GC: variants seen among roughly 807,000 people sequenced by gnomAD.
GC encodes vitamin D-binding protein.
A neutral mutation model predicts 56.7 loss-of-function variants in GC; 43 were observed. That is an observed-to-expected ratio of 0.76 (90% CI 0.59 to 0.98). The LOEUF is 0.98. Ranked by LOEUF, GC falls within the 50% of genes least tolerant of loss-of-function variation. The probability of loss-of-function intolerance (pLI) is 0.00; values close to 1 mark genes in which losing one functional copy is unlikely to be tolerated. For synonymous variants in GC, 216 were observed against 202.7 expected (o/e 1.07, Z -0.56); for missense variants, 529 against 545.9 (o/e 0.97, Z 0.31).
intron 1 of GC, among the ~76,000 whole-genome samples, chr4:71,780,627 G>GA (rs1326037812): frequency 6.6e-6 from 1 of 151,594 alleles, no homozygotes; most frequent in Non-Finnish European, 1.5e-5. Context: ...AAAAACACAT[G>GA]AAAAAAATGC....
Position 71,763,876 on chromosome 4 carries a change from G to A in GC, c.534C>T (p.Tyr178=). The change falls in exon 5 of 13, where the codon TAC becomes TAT. Residue 178 remains tyrosine (Y), a synonymous_variant. Transcript: ENST00000273951. ...CTACCATAGAAAGATAACTCTTGGT[G>A]TAACTGACTAAAAGTGACAGAGGAG... ...GQAPLSLLVS[Y]TKSYLSMVGS... is the part of the protein sequence containing the mutation. The A allele has an allele frequency of 6.2e-7, 1 of 1,607,740 alleles. No homozygotes were observed. The highest frequency in any genetic ancestry group is 8.5e-7 in the Non-Finnish European group (1 of 1,174,180).
intron 1 of GC, among the ~76,000 whole-genome samples, chr4:71,801,890 C>CT (rs58049882): frequency 0.069 from 9,470 of 138,232 alleles, 490 homozygotes; most frequent in African/African-American, 0.14. Flanking sequence ...TTTCTTTCTT[C>CT]TTTTTTTTTT....
At chr4:71,756,689 G>A (rs1209154098) in intron 8 of GC, 23 bp downstream of exon 8, 11 of 1,556,746 alleles carry the variant, frequency 7.1e-6, no homozygotes, top group South Asian at 5.6e-5. Context: ...ATGGGAAAAC[G>A]TTTTCACATC....
At chr4:71,776,909 A>G (rs1182108523) in intron 1 of GC, among the ~76,000 whole-genome samples, 1 of 151,900 alleles carries the variant, frequency 6.6e-6, no homozygotes, top group Non-Finnish European at 1.5e-5. Context: ...TATGCAATCT[A>G]ATGGAGAGGA....
In GC at chr4:71,765,440, A is replaced by G; in HGVS notation, c.465T>C (p.Tyr155=). Residue 155 remains tyrosine (Y), a synonymous_variant, in exon 4 of 13, where the codon TAT becomes TAC. Transcript: ENST00000273951. ...ATGATGAAGGCACTCACTGATTAGC[A>G]TATTCCTTTGGATCTTTCCTGAACG... ...CEAFRKDPKE[Y]ANQFMWEYST... 6.2e-7 allele frequency: 1 copy of G among 1,612,628 alleles called. No individual in the cohort carries two copies. The highest frequency in any genetic ancestry group is 8.5e-7 in the Non-Finnish European group (1 of 1,178,924).
chr4:71,750,455 T>G (rs1741509384), intron 11 of GC, among the ~76,000 whole-genome samples: 1 of 152,254 alleles, frequency 6.6e-6, no homozygotes, highest in East Asian at 1.9e-4. Flanking sequence ...ACATTTATAC[T>G]TTCGTGACTT....
intron 1 of GC, among the ~76,000 whole-genome samples, chr4:71,797,460 G>A (rs566397533): frequency 6.6e-6 from 1 of 152,376 alleles, no homozygotes; most frequent in South Asian, 2.1e-4. Context: ...TGCGCTAGCA[G>A]TGAGCAAGGC....
At chr4:71,758,797 A>T (rs1741870933) in intron 6 of GC, among the ~76,000 whole-genome samples, 1 of 152,136 alleles carries the variant, frequency 6.6e-6, no homozygotes, top group African/African-American at 2.4e-5. Flanking sequence ...CATTAAATTT[A>T]CTATCTTGAC....
intron 1 of GC, among the ~76,000 whole-genome samples, chr4:71,779,376 C>A (rs530652784): frequency 6.6e-6 from 1 of 151,652 alleles, no homozygotes; most frequent in Non-Finnish European, 1.5e-5. Context: ...GCTAGGGAAG[C>A]CCCCTCTATA....
intron 1 of GC, among the ~76,000 whole-genome samples, chr4:71,795,440 T>C (rs1743073991): frequency 1.3e-5 from 2 of 152,234 alleles, no homozygotes. Flanking sequence ...TTGATCTTTA[T>C]TGGTTTAAAA....
At chr4:71,802,380 T>C (rs1224791347) in intron 1 of GC, among the ~76,000 whole-genome samples, 1 of 152,178 alleles carries the variant, frequency 6.6e-6, no homozygotes, top group Non-Finnish European at 1.5e-5. Flanking sequence ...CAGAGATATG[T>C]CCGAACTGAT....
chr4:71,746,467 T>C (rs1006469250), intron 11 of GC, among the ~76,000 whole-genome samples: 64 of 152,018 alleles, frequency 4.2e-4, no homozygotes, highest in African/African-American at 1.5e-3. Context: ...GTGCTAATTA[T>C]TGGGTGCAAA....
intron 12 of GC, among the ~76,000 whole-genome samples, chr4:71,745,940 C>A (rs1560687837): frequency 6.6e-6 from 1 of 151,270 alleles, no homozygotes; most frequent in Non-Finnish European, 1.5e-5. Context: ...GACCAGTAAA[C>A]CTGGATTCTA....
chr4:71,768,392 A>G lies in GC; in HGVS notation c.170T>C (p.Phe57Ser). The G allele has an allele frequency of 6.2e-7, 1 of 1,613,618 alleles. No individual in the cohort carries two copies. Among genetic ancestry groups the G allele is most frequent in the African/African-American group, 1.3e-5 (1 of 75,040 alleles). The stretch of plus-strand genomic sequence containing the variant: ...CTTCACAAGTTGGCTGACCTGTTCA[A>G]ACGTGCCACTGGGAAATTTTCTACT... ...LYSRKFPSGT[F>S]EQVSQLVKEV... The change falls in exon 3 of 13, where the codon TTT becomes TCT. Residue 57 changes from phenylalanine to serine, a missense_variant. Coordinates refer to ENST00000273951, the MANE Select transcript of GC (RefSeq NM_000583.4).
At position 71,755,094 on chromosome 4, in the gene GC, G is replaced by C; in HGVS notation, c.1048C>G (p.Leu350Val). The change falls in exon 9 of 13, where the codon CTA (leucine) becomes GTA (valine). Residue 350 changes from leucine to valine, a missense_variant. Leu to Val is a conservative substitution (Grantham distance 32, BLOSUM62 1). Coordinates refer to ENST00000273951, the MANE Select transcript of GC (RefSeq NM_000583.4). ...TCCGGAAGATGAGTCCTTCTGCTTAGTTCAAATGTATACCTAGCATGAGGG... is the reference window on the plus strand; with the variant it reads ...TCCGGAAGATGAGTCCTTCTGCTTACTTCAAATGTATACCTAGCATGAGGG... Reference protein sequence around the residue: ...TKVMDKYTFELSRRTHLPEVF... With the variant: ...TKVMDKYTFEVSRRTHLPEVF... 6.4e-7 allele frequency: 1 copy of C among 1,568,356 alleles called. No homozygotes were observed. The highest frequency in any genetic ancestry group is 8.7e-7 in the Non-Finnish European group (1 of 1,151,042).
intron 1 of GC, 77 bp downstream of exon 1, chr4:71,783,883 TA>T: frequency 9.1e-7 from 1 of 1,104,782 alleles, no homozygotes; most frequent in Non-Finnish European, 1.3e-6. Context: ...TCTTACTTTT[TA>T]TTTCATTTTT....
rs755201392 is a variant in GC, at chr4:71,754,546, T to A, written c.1165-38A>T. ...AATAATTGCATAACAAAATTATTTG[T>A]CTTGAAACCTTGTCCCATCAAGCCA... On this transcript the variant is annotated intron_variant, in intron 9 of 12. Coordinates refer to ENST00000273951, the MANE Select transcript of GC (RefSeq NM_000583.4). 6 of 1,063,436 alleles carry A rather than the reference T, an allele frequency of 5.6e-6. No homozygotes were observed. The South Asian group carries it at 7.9e-5, about 14-fold the overall frequency. The allele number at this position is 1,063,436 out of a possible 1,614,324, so 65.9% of individuals were successfully genotyped here.
At chr4:71,790,450 A>C (rs1742940698) in intron 1 of GC, among the ~76,000 whole-genome samples, 1 of 152,000 alleles carries the variant, frequency 6.6e-6, no homozygotes, top group South Asian at 2.1e-4. Flanking sequence ...TCAAGACATA[A>C]TCTTGGAGTG....
At chr4:71,790,251 T>C (rs1462645213) in intron 1 of GC, among the ~76,000 whole-genome samples, 2 of 151,998 alleles carry the variant, frequency 1.3e-5, no homozygotes, top group East Asian at 1.9e-4. Flanking sequence ...TTACTTACAA[T>C]GGTAAAAACC....
Sources: gnomAD v4.1 joint callset for allele counts (sites outside exome capture counted in the v4.1 genomes callset) on GRCh38, gnomAD v4.1.1 for gene constraint, MANE v1.5 for transcripts, NCBI Gene and HGNC (gene_info 2026-07-23, HGNC 2026-07-21) for gene names.